Variants in SH3BP5 observed in about 807,000 individuals in gnomAD.
SH3BP5 encodes the protein SH3 domain binding protein 5.
A neutral mutation model predicts 43.3 loss-of-function variants in SH3BP5; 22 were observed. That is an observed-to-expected ratio of 0.51 (90% CI 0.36 to 0.73). The LOEUF (loss-of-function observed/expected upper bound fraction) is 0.73, where lower values mean the gene tolerates loss of function less well. SH3BP5 is among the 30% of genes least tolerant of loss of function. The pLI is 0.00. For missense variants in SH3BP5, 529 were observed against 586.9 expected, an observed-to-expected ratio of 0.90 and a Z score of 1.02; for synonymous variants, 255 against 225.8, an observed-to-expected ratio of 1.13 and a Z score of -1.16.
chr3:15,332,636 C>G (rs1698646788), upstream of SH3BP5: 9 of 1,172,490 alleles, frequency 7.7e-6, no homozygotes, highest in Non-Finnish European at 9.5e-6. Flanking sequence ...GCGCAGCGCC[C>G]GCTCCGCCCC....
At chr3:15,303,981 T>G in intron 3 of SH3BP5, 122 bp downstream of exon 3, 1 of 767,448 alleles carries the variant, frequency 1.3e-6, no homozygotes, top group Non-Finnish European at 2.2e-6. Flanking sequence ...GGTGGGTCAC[T>G]GCATTTAAGA....
At chr3:15,270,472 G>A (rs972448694) in intron 3 of SH3BP5, among the ~76,000 whole-genome samples, 18 of 152,256 alleles carry the variant, frequency 1.2e-4, no homozygotes, top group East Asian at 3.9e-4. Flanking sequence ...TGACACCAGC[G>A]ACAGGCCAAG....
chr3:15,257,282 A>G (rs911841745), intron 7 of SH3BP5, 169 bp from the exon 8 acceptor site: 28 of 594,140 alleles, frequency 4.7e-5, no homozygotes, highest in Non-Finnish European at 7.3e-5. Flanking sequence ...ACCAGCCTCT[A>G]AAGCAGCTGG....
chr3:15,296,069 C>T (rs972037646), intron 3 of SH3BP5, among the ~76,000 whole-genome samples: 1 of 152,200 alleles, frequency 6.6e-6, no homozygotes, highest in Non-Finnish European at 1.5e-5. Context: ...AACCTAACCT[C>T]TATTTCCCCT....
intron 3 of SH3BP5, among the ~76,000 whole-genome samples, chr3:15,277,241 G>C (rs965317116): frequency 5.3e-5 from 8 of 152,162 alleles, no homozygotes; most frequent in African/African-American, 1.7e-4. Flanking sequence ...CAAAGTGCTG[G>C]GATTACAGGG....
At position 15,311,480 on chromosome 3, in the gene SH3BP5, A is replaced by C. The variant is rs1022575473; in HGVS notation, c.202-7249T>G. Among the ~76,000 whole-genome samples, 75 of 152,216 alleles carry C rather than the reference A, an allele frequency of 4.9e-4. 1 individual carries two copies. The highest frequency in any genetic ancestry group is 1.9e-4 in the Non-Finnish European group (13 of 68,010). The stretch of plus-strand genomic sequence containing the variant: ...GAGGCTGAGGCAGGAGAATTGCCTG[A>C]ACCCAGGAAGTGGAGGTTGCAGTGA... On this transcript the variant is annotated intron_variant, in intron 2 of 8. Transcript: ENST00000383791.
chr3:15,279,758 G>T (rs1327383846), intron 3 of SH3BP5, among the ~76,000 whole-genome samples: 1 of 152,110 alleles, frequency 6.6e-6, no homozygotes, highest in Non-Finnish European at 1.5e-5. Context: ...CTAACCAGGG[G>T]TGAGTCTGAC....
At chr3:15,321,125 A>C (rs1205449489) in intron 2 of SH3BP5, among the ~76,000 whole-genome samples, 3 of 152,210 alleles carry the variant, frequency 2.0e-5, no homozygotes, top group Non-Finnish European at 4.4e-5. Context: ...CCATGAATGA[A>C]GTTGTGCAAG....
rs774184155 is a variant in SH3BP5 at position 15,256,150 on chromosome 3, G to A, written c.1304C>T (p.Ser435Phe). The A allele has an allele frequency of 3.7e-6, 6 of 1,614,220 alleles. No homozygotes were observed. The highest frequency in any genetic ancestry group is 4.2e-6 in the Non-Finnish European group (5 of 1,180,040). Residue 435 changes from serine to phenylalanine, a missense_variant, in exon 9 of 9, where the codon TCC (serine) becomes TTC (phenylalanine). This residue lies in a region of SH3BP5 where 369 missense variants were observed against 384.3 expected (regional missense o/e 0.96). Transcript: ENST00000383791. ...QALENRMKQL[S>F]LQCSKGRDGI... The stretch of plus-strand genomic sequence containing the variant: ...ATCTCTTCCCTTTGAGCACTGTAGG[G>A]AGAGCTGCTTCATCCGGTTCTCCAA...
At position 15,282,425 on chromosome 3, in the gene SH3BP5, T is replaced by C. The variant is rs539736591; in HGVS notation, c.331-12548A>G. On this transcript the variant is annotated intron_variant, in intron 3 of 8. Transcript: ENST00000383791. ...TTGCAAATTTTCCATAATAAAAAAG[T>C]TTACAAAATTGCTTCTCAATACATT... Among the ~76,000 whole-genome samples the C allele has an allele frequency of 3.9e-5, 6 of 152,250 alleles. No homozygotes were observed. The South Asian group carries it at 1.2e-3, about 32-fold the overall frequency.
chr3:15,285,747 A>T (rs1374031366), intron 3 of SH3BP5, among the ~76,000 whole-genome samples: 1 of 152,224 alleles, frequency 6.6e-6, no homozygotes, highest in Non-Finnish European at 1.5e-5. Flanking sequence ...GTAGCCAGGA[A>T]CATTGGCTCT....
intron 2 of SH3BP5, among the ~76,000 whole-genome samples, chr3:15,315,070 G>A (rs1477577780): frequency 6.6e-6 from 1 of 152,140 alleles, no homozygotes; most frequent in African/African-American, 2.4e-5. Flanking sequence ...AGTGAGAGAT[G>A]GCCCGGGTTC....
chr3:15,289,883 C>T (rs1004610552), intron 3 of SH3BP5, among the ~76,000 whole-genome samples: 20 of 152,142 alleles, frequency 1.3e-4, no homozygotes, highest in Admixed American at 3.9e-4. Context: ...AAACAGACAC[C>T]CCCCCTTCTC....
chr3:15,259,977 C>CA, intron 5 of SH3BP5, 174 bp from the exon 6 acceptor site: 1 of 644,318 alleles, frequency 1.6e-6, no homozygotes, highest in South Asian at 1.9e-5. Context: ...TGGAGACTGA[C>CA]AGACACCAGA....
intron 2 of SH3BP5, among the ~76,000 whole-genome samples, chr3:15,324,176 A>ACCGT (rs1481251526): frequency 1.3e-5 from 2 of 152,154 alleles, no homozygotes; most frequent in Non-Finnish European, 2.9e-5. Flanking sequence ...CAATGTCTGT[A>ACCGT]CCGTCAGCTC....
Position 15,269,880 on chromosome 3 carries a change from G to A in SH3BP5, c.331-3C>T. ...GCTTTCTGAGCTTCCAGCTGAGCCT[G>A]TGTGAGAAAGAATCCTCATGAGGCC... On this transcript the variant is annotated splice_polypyrimidine_tract_variant and splice_region_variant and intron_variant, in intron 3 of 8. Coordinates refer to ENST00000383791, the MANE Select transcript of SH3BP5 (RefSeq NM_004844.5). 1 of 1,525,544 alleles carries A rather than the reference G, an allele frequency of 6.6e-7. No individual in the cohort carries two copies. 94.5% of individuals were successfully genotyped at this position (1,525,544 alleles called of 1,614,324 possible). A position where few individuals can be genotyped will look rare whatever the true frequency, so the allele number is the denominator to read the frequency against.
intron 2 of SH3BP5, among the ~76,000 whole-genome samples, chr3:15,325,967 C>T (rs1472023399): frequency 1.3e-5 from 2 of 152,050 alleles, no homozygotes; most frequent in South Asian, 2.1e-4. Context: ...TGCAGTGAGC[C>T]GAGATTGTGA....
intron 4 of SH3BP5, among the ~76,000 whole-genome samples, chr3:15,267,732 T>G (rs1301036887): frequency 6.6e-6 from 1 of 152,212 alleles, no homozygotes; most frequent in Non-Finnish European, 1.5e-5. Context: ...GTATGAACGG[T>G]GCCCTGAGTT....
At chr3:15,309,909 C>T (rs115492685) in intron 2 of SH3BP5, among the ~76,000 whole-genome samples, 124 of 108,328 alleles carry the variant, frequency 1.1e-3, no homozygotes, top group African/African-American at 3.4e-3. Context: ...CCGCTCCACC[C>T]CCCCCCCATA....
Sources: gnomAD v4.1 joint callset for allele counts (sites outside exome capture counted in the v4.1 genomes callset) on GRCh38, gnomAD v4.1.1 for gene constraint, gnomAD v4.1.1 regional missense constraint, MANE v1.5 for transcripts, NCBI Gene and HGNC (gene_info 2026-07-23, HGNC 2026-07-21) for gene names.